Variants in SPG11 observed in about 807,000 individuals in gnomAD.
SPG11 encodes spatacsin.
A neutral mutation model predicts 274.0 loss-of-function variants in SPG11; 222 were observed. That is an observed-to-expected ratio of 0.81 (90% CI 0.73 to 0.91). SPG11 has a LOEUF of 0.91. Among genes scored for constraint, SPG11 ranks in the 40% least tolerant of loss-of-function variants. The pLI is 0.00. For missense variants in SPG11, 3,114 were observed against 2,872.7 expected (o/e 1.08, Z -1.92); for synonymous variants, 1,144 against 1,039.7 (o/e 1.10, Z -1.93).
chr15:44,646,526 C>G (rs562820637), intron 7 of SPG11, among the ~76,000 whole-genome samples: 2 of 152,234 alleles, frequency 1.3e-5, no homozygotes, highest in Non-Finnish European at 2.9e-5. Context: ...CAATCACCTC[C>G]CTCCCTTGAC....
intron 11 of SPG11, among the ~76,000 whole-genome samples, chr15:44,625,136 A>G (rs1236216210): frequency 1.4e-5 from 2 of 145,754 alleles, no homozygotes; most frequent in East Asian, 3.9e-4. Flanking sequence ...CTCTGTCTCA[A>G]AAAAAAAAAA....
chr15:44,629,424 C>G, intron 8 of SPG11, 36 bp from the exon 9 acceptor site: 1 of 1,592,040 alleles, frequency 6.3e-7, no homozygotes, highest in Non-Finnish European at 8.6e-7. Context: ...ATAAAGAACA[C>G]CAGGATACTC....
chr15:44,618,234 C>G (rs1033701480), intron 15 of SPG11, among the ~76,000 whole-genome samples: 1 of 151,944 alleles, frequency 6.6e-6, no homozygotes, highest in Admixed American at 6.6e-5. Flanking sequence ...TTAGGCCAGG[C>G]GCAGTGGCTC....
chr15:44,632,431 A>T (rs2084095409), intron 8 of SPG11, among the ~76,000 whole-genome samples: 1 of 152,190 alleles, frequency 6.6e-6, no homozygotes, highest in Non-Finnish European at 1.5e-5. Flanking sequence ...TAAGAATAAA[A>T]GTTAGGCTTC....
At chr15:44,658,208 C>T (rs1376802680) in intron 3 of SPG11, among the ~76,000 whole-genome samples, 1 of 152,066 alleles carries the variant, frequency 6.6e-6, no homozygotes, top group Admixed American at 6.5e-5. Context: ...AAATTATATA[C>T]CTATTACAAA....
intron 24 of SPG11, 144 bp from the exon 25 acceptor site, chr15:44,596,499 G>C: frequency 9.7e-7 from 1 of 1,027,148 alleles, no homozygotes; most frequent in Non-Finnish European, 1.4e-6. Context: ...TTACAAAGCT[G>C]TATGGTGCCT....
At chr15:44,630,084 G>A (rs114841855) in intron 8 of SPG11, among the ~76,000 whole-genome samples, 4,553 of 152,236 alleles carry the variant, frequency 0.03, 251 homozygotes, top group African/African-American at 0.1. Context: ...GTAAGTGGCA[G>A]GGCCAAAATT....
chr15:44,597,073 C>T, intron 23 of SPG11, 130 bp from the exon 24 acceptor site: 7 of 700,214 alleles, frequency 1.0e-5, no homozygotes, highest in Non-Finnish European at 1.4e-5. Flanking sequence ...CCAACAAATA[C>T]TAAATATTTA....
rs531333304 is a variant in SPG11 at position 44,634,535 on chromosome 15, C to T, written c.1603-898G>A. 4.6e-5 allele frequency among the ~76,000 whole-genome samples: 7 copies of T among 151,746 alleles called. No individual in the cohort carries two copies. The South Asian group carries it at 1.0e-3, about 23-fold the overall frequency. On this transcript the variant is annotated intron_variant, in intron 7 of 39. Coordinates refer to ENST00000261866, the MANE Select transcript of SPG11 (RefSeq NM_025137.4). ...CTGGCCTAGAACAATGCACCCAACT[C>T]GGCCTCCGAAATTGCTGGGATTACA...
intron 15 of SPG11, among the ~76,000 whole-genome samples, chr15:44,619,931 G>C (rs1257003924): frequency 6.6e-6 from 1 of 152,070 alleles, no homozygotes; most frequent in Non-Finnish European, 1.5e-5. Context: ...GGCAAGATTT[G>C]TCTTGAACTC....
At chr15:44,620,855 C>T (rs1208740619) in intron 14 of SPG11, 1 of 162,434 alleles carries the variant, frequency 6.2e-6, no homozygotes, top group Non-Finnish European at 1.3e-5. Context: ...TGCACCACCA[C>T]ACCCAGCTAA....
At chr15:44,577,794 T>C (rs560359024) in intron 30 of SPG11, among the ~76,000 whole-genome samples, 68 of 152,216 alleles carry the variant, frequency 4.5e-4, no homozygotes, top group Non-Finnish European at 8.4e-4. Context: ...CTGGCCTGAA[T>C]GCAGCGCTGA....
chr15:44,657,801 A>T (rs2084983512), intron 3 of SPG11, among the ~76,000 whole-genome samples: 2 of 152,280 alleles, frequency 1.3e-5, no homozygotes, highest in Non-Finnish European at 2.9e-5. Context: ...TGGAACAACT[A>T]AAGTTGTAAC....
At chr15:44,581,351 C>G (rs1231750589) in intron 30 of SPG11, among the ~76,000 whole-genome samples, 1 of 151,998 alleles carries the variant, frequency 6.6e-6, no homozygotes, top group Non-Finnish European at 1.5e-5. Context: ...GGACTACAGG[C>G]ATGTGCCAAC....
chr15:44,622,285 C>T lies in SPG11; in HGVS notation c.2379G>A (p.Val793=), dbSNP rs202245950. 8.9e-5 allele frequency: 142 copies of T among 1,597,520 alleles called. No homozygotes were observed. Among genetic ancestry groups the T allele is most frequent in the Non-Finnish European group, 1.1e-4 (132 of 1,165,596 alleles). Residue 793 remains valine (V), a synonymous_variant, in exon 13 of 40, where the codon GTG becomes GTA. Transcript: ENST00000261866. ...SEKEKRTIDF[V]HQVEKLYLGH... ...CCAAATAAAGCTTCTCAACTTGATG[C>T]ACGAAGTCTATAGTTCTTTTCTCTT... is the stretch of plus-strand genomic sequence containing the variant.
intron 26 of SPG11, among the ~76,000 whole-genome samples, chr15:44,593,817 G>T (rs1278292955): frequency 6.7e-6 from 1 of 149,030 alleles, no homozygotes; most frequent in East Asian, 2.0e-4. Context: ...GCAGTGGTGT[G>T]ATCTTGGCTC....
Position 44,565,945 on chromosome 15 carries a change from T to C in SPG11, c.6908A>G (p.His2303Arg). ...TGTGTTCTGGCCAGTGTTCAGAAAGTGAATCTGCAGAGTTATCAACTTGGT... is the reference window on the plus strand; with the variant it reads ...TGTGTTCTGGCCAGTGTTCAGAAAGCGAATCTGCAGAGTTATCAACTTGGT... ...RLTKLITLQIHFLNTGQNTML... is the reference protein window; with the variant it reads ...RLTKLITLQIRFLNTGQNTML... The change falls in exon 38 of 40, where the codon CAC becomes CGC. Residue 2303 changes from histidine to arginine, a missense_variant. Coordinates refer to ENST00000261866, the MANE Select transcript of SPG11 (RefSeq NM_025137.4). 1 of 1,613,862 alleles carries C rather than the reference T, an allele frequency of 6.2e-7. No individual in the cohort carries two copies. The highest frequency in any genetic ancestry group is 8.5e-7 in the Non-Finnish European group (1 of 1,180,004).
chr15:44,605,508 A>C (rs1041099138), intron 20 of SPG11, among the ~76,000 whole-genome samples: 17 of 152,342 alleles, frequency 1.1e-4, no homozygotes, highest in African/African-American at 3.8e-4. Flanking sequence ...TAAGAACAGA[A>C]AAAAATCAGA....
intron 28 of SPG11, among the ~76,000 whole-genome samples, chr15:44,588,258 A>C (rs769497061): frequency 1.3e-5 from 2 of 152,006 alleles, no homozygotes; most frequent in South Asian, 4.1e-4. Flanking sequence ...TCAATCAGCA[A>C]CAAGTTTAGA....
Sources: gnomAD v4.1 joint callset for allele counts (sites outside exome capture counted in the v4.1 genomes callset) on GRCh38, gnomAD v4.1.1 for gene constraint, MANE v1.5 for transcripts, NCBI Gene and HGNC (gene_info 2026-07-23, HGNC 2026-07-21) for gene names.